TPD52: variants seen among roughly 807,000 people sequenced by gnomAD.
TPD52 encodes the protein prostate and colon associated protein.
TPD52 carries 17 observed loss-of-function variants against 31.3 expected under a neutral mutation model. That is an observed-to-expected ratio of 0.54 (90% confidence interval 0.37 to 0.82). The LOEUF is 0.82. TPD52 is among the 40% of genes least tolerant of loss of function. TPD52 has a pLI of 0.00. For missense variants in TPD52, 212 were observed against 240.1 expected, an observed-to-expected ratio of 0.88 and a Z score of 0.77; for synonymous variants, 83 against 89.6, an observed-to-expected ratio of 0.93 and a Z score of 0.42.
At chr8:80,165,810 A>C (rs1811673035) in intron 1 of TPD52, among the ~76,000 whole-genome samples, 1 of 152,166 alleles carries the variant, frequency 6.6e-6, no homozygotes, top group Admixed American at 6.5e-5. Context: ...AAAAGCACTA[A>C]ATAAAATTTG....
intron 1 of TPD52, among the ~76,000 whole-genome samples, chr8:80,098,622 C>T (rs918352034): frequency 6.6e-6 from 1 of 152,184 alleles, no homozygotes; most frequent in Admixed American, 6.5e-5. Flanking sequence ...TAAGGAGTTG[C>T]TTCTTATAGA....
At chr8:80,149,543 T>C (rs1419803679) in intron 1 of TPD52, among the ~76,000 whole-genome samples, 3 of 152,128 alleles carry the variant, frequency 2.0e-5, no homozygotes, top group Non-Finnish European at 2.9e-5. Context: ...AACTTTGGAA[T>C]TGGGTAACAG....
chr8:80,065,306 T>TAC (rs1000813714), intron 1 of TPD52, among the ~76,000 whole-genome samples: 3 of 142,622 alleles, frequency 2.1e-5, no homozygotes, highest in East Asian at 4.7e-4. Context: ...TATCTATCTA[T>TAC]ATATATATAT....
In TPD52 at chr8:80,171,438, G is replaced by A; in HGVS notation, c.6C>T (p.Asp2=). The A allele has an allele frequency of 6.3e-7, 1 of 1,594,300 alleles. No homozygotes were observed. Among genetic ancestry groups the A allele is most frequent in the African/African-American group, 1.4e-5 (1 of 74,028 alleles). ...CCGCGCCCTCACCTTGCTCGCCGCG[G>A]TCCATGTCTCCAGCCCGCCGCCTCG... M[D]RGEQGLLRTD... The change falls in exon 1 of 8, where the codon GAC becomes GAT. Residue 2 remains aspartate (D), a synonymous_variant. Coordinates refer to ENST00000518937, the MANE Select transcript of TPD52 (RefSeq NM_001025253.3).
chr8:80,132,032 C>CT (rs72390353), intron 1 of TPD52, among the ~76,000 whole-genome samples: 4,434 of 143,366 alleles, frequency 0.031, 195 homozygotes, highest in African/African-American at 0.099. Flanking sequence ...TTCTTTCTTT[C>CT]TTTTTTTTTT....
intron 1 of TPD52, among the ~76,000 whole-genome samples, chr8:80,136,892 T>C (rs1029530435): frequency 6.6e-6 from 1 of 152,194 alleles, no homozygotes; most frequent in African/African-American, 2.4e-5. Flanking sequence ...TATTCAAATA[T>C]AAATAATTAT....
chr8:80,127,689 T>C (rs1364975565), intron 1 of TPD52: 1 of 151,854 alleles, frequency 6.6e-6, no homozygotes, highest in Non-Finnish European at 1.5e-5. Context: ...GTGTTCAAAT[T>C]TTATTATGCA....
intron 2 of TPD52, among the ~76,000 whole-genome samples, chr8:80,056,347 T>C (rs1018587247): frequency 1.3e-5 from 2 of 152,080 alleles, no homozygotes; most frequent in Non-Finnish European, 2.9e-5. Context: ...GAGAGTAAAA[T>C]TGTGGGTGTT....
intron 1 of TPD52, chr8:80,171,048 C>T: frequency 3.9e-6 from 2 of 518,374 alleles, no homozygotes; most frequent in Non-Finnish European, 7.1e-6. Context: ...ACTCACTGTC[C>T]TCTGTTCCTG....
intron 7 of TPD52, among the ~76,000 whole-genome samples, chr8:80,039,567 T>C (rs910470465): frequency 6.6e-5 from 10 of 152,160 alleles, no homozygotes; most frequent in Non-Finnish European, 2.9e-5. Context: ...GTTCTCCCCT[T>C]TGATGTGCAG....
chr8:80,077,218 T>C (rs994350166), intron 1 of TPD52, among the ~76,000 whole-genome samples: 5 of 148,568 alleles, frequency 3.4e-5, no homozygotes, highest in African/African-American at 1.3e-4. Context: ...GAGGTTGCAG[T>C]GAGCCAAGGT....
intron 1 of TPD52, chr8:80,158,576 G>C (rs984628073): frequency 6.6e-6 from 1 of 152,096 alleles, no homozygotes; most frequent in Non-Finnish European, 1.5e-5. Context: ...ATGAGCCTGA[G>C]AGCAGGCTCA....
chr8:80,129,775 C>T (rs1288473487), intron 1 of TPD52, among the ~76,000 whole-genome samples: 1 of 150,322 alleles, frequency 6.7e-6, no homozygotes, highest in East Asian at 2.0e-4. Context: ...TCTCAGCTCA[C>T]TGAAACCTCC....
intron 2 of TPD52, among the ~76,000 whole-genome samples, chr8:80,056,703 T>C (rs1251261175): frequency 1.3e-5 from 2 of 151,574 alleles, no homozygotes; most frequent in Non-Finnish European, 2.9e-5. Flanking sequence ...AAAACAGAGA[T>C]TAATAAGTGT....
At chr8:80,110,943 C>T (rs1009952508) in intron 1 of TPD52, among the ~76,000 whole-genome samples, 18 of 152,214 alleles carry the variant, frequency 1.2e-4, no homozygotes, top group Non-Finnish European at 2.1e-4. Context: ...TGGGGACTCA[C>T]GCCTGTAATT....
At chr8:80,054,963 TA>T (rs1811724935) in intron 2 of TPD52, among the ~76,000 whole-genome samples, 1 of 152,168 alleles carries the variant, frequency 6.6e-6, no homozygotes, top group Admixed American at 6.5e-5. Context: ...CAAAATTAAG[TA>T]AATTAAATGA....
intron 1 of TPD52, among the ~76,000 whole-genome samples, chr8:80,169,474 A>G (rs1156334030): frequency 1.3e-5 from 2 of 152,232 alleles, no homozygotes; most frequent in Admixed American, 6.5e-5. Flanking sequence ...AGACACTTAA[A>G]CTAGTCCTAT....
intron 1 of TPD52, among the ~76,000 whole-genome samples, chr8:80,083,727 G>C (rs1026064858): frequency 2.6e-5 from 4 of 152,146 alleles, no homozygotes; most frequent in Non-Finnish European, 5.9e-5. Flanking sequence ...AGCAGTGTGA[G>C]AATGGACTAG....
downstream of TPD52, among the ~76,000 whole-genome samples, chr8:80,033,500 G>A (rs576379522): frequency 4.9e-4 from 75 of 152,248 alleles, no homozygotes; most frequent in African/African-American, 1.8e-3. Flanking sequence ...TAGCAGCTCT[G>A]GCTCAGGGAA....
Sources: allele counts gnomAD v4.1 joint callset (sites outside exome capture counted in the v4.1 genomes callset), GRCh38; gene constraint gnomAD v4.1.1; transcripts MANE v1.5; gene names NCBI Gene and HGNC (gene_info 2026-07-23, HGNC 2026-07-21).